Variants in FAM171A1 observed in about 807,000 individuals in gnomAD.
FAM171A1 encodes protein FAM171A1.
A neutral mutation model predicts 74.9 loss-of-function variants in FAM171A1; 23 were observed. That is an observed-to-expected ratio of 0.31 (90% CI 0.22 to 0.44). The LOEUF (loss-of-function observed/expected upper bound fraction) is 0.44. Ranked by LOEUF, FAM171A1 falls within the 20% of genes least tolerant of loss-of-function variation. FAM171A1 has a pLI of 1.00. For missense variants in FAM171A1, 1,162 were observed against 1,159.2 expected (o/e 1.00, Z -0.03); for synonymous variants, 527 against 505.7 (o/e 1.04, Z -0.57).
chr10:15,355,945 T>C (rs1835927368), intron 1 of FAM171A1, among the ~76,000 whole-genome samples: 1 of 151,964 alleles, frequency 6.6e-6, no homozygotes, highest in African/African-American at 2.4e-5. Context: ...ATCCACACCA[T>C]ACCTTATCTG....
At chr10:15,350,245 T>TC (rs1369030935) in intron 1 of FAM171A1, among the ~76,000 whole-genome samples, 2 of 152,204 alleles carry the variant, frequency 1.3e-5, no homozygotes, top group African/African-American at 4.8e-5. Context: ...ATGTCTTTAC[T>TC]CCCTTGTCCC....
intron 1 of FAM171A1, among the ~76,000 whole-genome samples, chr10:15,344,445 A>C (rs1398115696): frequency 6.6e-6 from 1 of 152,136 alleles, no homozygotes; most frequent in Non-Finnish European, 1.5e-5. Context: ...GCTACTTGGG[A>C]GGACGAGGTG....
At chr10:15,247,692 C>T (rs1834452877) in intron 5 of FAM171A1, among the ~76,000 whole-genome samples, 1 of 150,788 alleles carries the variant, frequency 6.6e-6, no homozygotes, top group African/African-American at 2.4e-5. Context: ...AGGCTGGTCT[C>T]AGACTCTTGG....
rs994123145 is a variant in FAM171A1, at chr10:15,312,795, C to CT, written c.98-28691dup. Among the ~76,000 whole-genome samples the CT allele has an allele frequency of 2.2e-4, 31 of 142,072 alleles. No individual in the cohort carries two copies. The Admixed American group carries it at 2.3e-3, about 10-fold the overall frequency. The allele number at this position is 142,072 out of a possible 152,430, so 93.2% of individuals were successfully genotyped here. ...TCACTGCAAACTCCGCCTCCGAGGT[C>CT]TAAGCGATTCTCCTGCCTCAGCCTC... On this transcript the variant is annotated intron_variant, in intron 1 of 7. Coordinates refer to ENST00000378116, the MANE Select transcript of FAM171A1 (RefSeq NM_001010924.2).
In FAM171A1 at chr10:15,233,417, CT is replaced by C. The variant is rs34188068; in HGVS notation, c.755-12358del. 2.0e-3 allele frequency among the ~76,000 whole-genome samples: 301 copies of C among 152,262 alleles called. 2 individuals are homozygous for C. Among genetic ancestry groups the C allele is most frequent in the Middle Eastern group, 3.4e-3 (1 of 294 alleles). ...AAACTGCATACTGGAAATGGCTGGG[CT>C]GCCAGATACAAATACGTGTACATGG... On this transcript the variant is annotated intron_variant, in intron 5 of 7. Transcript: ENST00000378116.
intron 5 of FAM171A1, among the ~76,000 whole-genome samples, chr10:15,238,797 C>G (rs1158550289): frequency 6.6e-6 from 1 of 152,202 alleles, no homozygotes; most frequent in East Asian, 1.9e-4. Context: ...CCCCCACACA[C>G]TCTCAGGCTG....
rs997342623 is a variant in FAM171A1 at position 15,292,795 on chromosome 10, T to C, written c.98-8690A>G. ...GCCACTGCACCGACCACCATAAATA[T>C]TCCCACTTAAAACAGATAAGGATTT... On this transcript the variant is annotated intron_variant, in intron 1 of 7. Coordinates refer to ENST00000378116, the MANE Select transcript of FAM171A1 (RefSeq NM_001010924.2). Among the ~76,000 whole-genome samples the C allele has an allele frequency of 3.9e-5, 6 of 152,092 alleles. No individual in the cohort carries two copies. In the East Asian group the frequency reaches 1.2e-3, roughly 29 times the overall value.
intron 1 of FAM171A1, among the ~76,000 whole-genome samples, chr10:15,300,947 C>T (rs1835221224): frequency 6.6e-6 from 1 of 152,196 alleles, no homozygotes; most frequent in Non-Finnish European, 1.5e-5. Context: ...TTACAAAAGA[C>T]CTCCTGAGAA....
At chr10:15,249,592 C>CT (rs201771383) in intron 4 of FAM171A1, among the ~76,000 whole-genome samples, 35 of 151,330 alleles carry the variant, frequency 2.3e-4, no homozygotes, top group African/African-American at 4.6e-4. Context: ...GCAGAGGCTG[C>CT]TTTTTTTTTA....
At chr10:15,225,047 T>A (rs746097708) in intron 5 of FAM171A1, among the ~76,000 whole-genome samples, 3 of 152,250 alleles carry the variant, frequency 2.0e-5, no homozygotes, top group African/African-American at 7.2e-5. Context: ...TCTTGGCACA[T>A]CCTGGGCAAG....
chr10:15,298,608 C>T (rs1352332051), intron 1 of FAM171A1, among the ~76,000 whole-genome samples: 1 of 152,080 alleles, frequency 6.6e-6, no homozygotes, highest in Non-Finnish European at 1.5e-5. Context: ...AGCACCAAAA[C>T]GATGCTACAT....
intron 1 of FAM171A1, among the ~76,000 whole-genome samples, chr10:15,345,097 T>C (rs1216981630): frequency 2.6e-5 from 4 of 152,236 alleles, no homozygotes; most frequent in Admixed American, 2.6e-4. Flanking sequence ...CTTGTAACTA[T>C]GAAGTTCCAC....
At chr10:15,289,608 G>C (rs932263163) in intron 1 of FAM171A1, among the ~76,000 whole-genome samples, 2 of 152,044 alleles carry the variant, frequency 1.3e-5, no homozygotes, top group African/African-American at 4.8e-5. Flanking sequence ...CCTGAGCCCT[G>C]AGATCCCACT....
At chr10:15,370,929 C>G in intron 1 of FAM171A1, 27 bp downstream of exon 1, 1 of 1,094,610 alleles carries the variant, frequency 9.1e-7, no homozygotes, top group South Asian at 1.9e-5. Context: ...CGACACAAAG[C>G]CCCCGGCCCC....
rs1029630584 is a variant in FAM171A1 at position 15,213,367 on chromosome 10, C to A, written c.2221G>T (p.Asp741Tyr). 1 of 1,614,184 alleles carries A rather than the reference C, an allele frequency of 6.2e-7. No homozygotes were observed. The highest frequency in any genetic ancestry group is 1.7e-5 in the Admixed American group (1 of 60,018). Residue 741 changes from aspartate to tyrosine, a missense_variant, in exon 8 of 8, where the codon GAC (aspartate) becomes TAC (tyrosine). Physicochemically the swap from Asp to Tyr is radical, Grantham distance 160. Transcript: ENST00000378116. This position sits in a 1 kb window ranked among gnomAD's most constrained non-coding sequence, Gnocchi z 6.8. ...GGTTCATTCATATCTACGCCAGAGTCCAAACTGGCATCATTACTTCCGTTC... is the reference window on the plus strand; with the variant it reads ...GGTTCATTCATATCTACGCCAGAGTACAAACTGGCATCATTACTTCCGTTC... ...GRNGSNDASL[D>Y]SGVDMNEPKS... is the part of the protein sequence containing the mutation.
upstream of FAM171A1, among the ~76,000 whole-genome samples, chr10:15,372,698 CAA>C (rs59712649): frequency 4.1e-3 from 368 of 88,694 alleles, no homozygotes; most frequent in African/African-American, 0.015. Flanking sequence ...GACCCCGTCT[CAA>C]AAAAAAAAAA....
chr10:15,225,594 C>T (rs189391928), intron 5 of FAM171A1, among the ~76,000 whole-genome samples: 11 of 152,322 alleles, frequency 7.2e-5, no homozygotes, highest in African/African-American at 7.2e-5. Flanking sequence ...GTTTCACCAC[C>T]GGAGCAGCGG....
chr10:15,271,380 T>C (rs1241800202), intron 3 of FAM171A1, among the ~76,000 whole-genome samples: 1 of 152,170 alleles, frequency 6.6e-6, no homozygotes, highest in African/African-American at 2.4e-5. Flanking sequence ...AATATGGGAC[T>C]ATGTGAAAAG....
chr10:15,333,699 G>A (rs1263616896), intron 1 of FAM171A1, among the ~76,000 whole-genome samples: 1 of 152,122 alleles, frequency 6.6e-6, no homozygotes, highest in Middle Eastern at 3.4e-3. Context: ...GGGTGTGGTG[G>A]CATAGGCCTG....
Sources: allele counts gnomAD v4.1 joint callset (sites outside exome capture counted in the v4.1 genomes callset), GRCh38; gene constraint gnomAD v4.1.1; non-coding constraint Gnocchi (gnomAD v3.1); transcripts MANE v1.5; gene names NCBI Gene and HGNC (gene_info 2026-07-23, HGNC 2026-07-21).